ZHX2: variants seen among roughly 807,000 people sequenced by gnomAD.
The protein encoded by ZHX2 is zinc fingers and homeoboxes protein 2.
A neutral mutation model predicts 21.9 loss-of-function variants in ZHX2; 6 were observed. The ratio of observed to expected loss-of-function variants is 0.27; its 90% CI spans 0.15 to 0.54. ZHX2 has a LOEUF of 0.54. Ranked by LOEUF, ZHX2 falls within the 20% of genes least tolerant of loss-of-function variation. The pLI is 0.95. For synonymous variants in ZHX2, 434 were observed against 437.1 expected, an observed-to-expected ratio of 0.99 and a Z score of 0.09; for missense variants, 908 against 1,090.7, an observed-to-expected ratio of 0.83 and a Z score of 2.36.
intron 3 of ZHX2, among the ~76,000 whole-genome samples, chr8:122,967,336 G>A (rs1032287443): frequency 4.6e-5 from 7 of 152,152 alleles, no homozygotes; most frequent in African/African-American, 1.7e-4. Flanking sequence ...TGTCCCATGG[G>A]GTGATCCCTT....
At chr8:122,826,195 A>G (rs1818262444) in intron 1 of ZHX2, among the ~76,000 whole-genome samples, 1 of 152,222 alleles carries the variant, frequency 6.6e-6, no homozygotes. Context: ...GGACACTCCA[A>G]CAACATATTA....
intron 2 of ZHX2, among the ~76,000 whole-genome samples, chr8:122,926,313 G>A (rs889602205): frequency 2.0e-5 from 3 of 152,184 alleles, no homozygotes; most frequent in Non-Finnish European, 4.4e-5. Context: ...ATGTCTTCCC[G>A]TGTAAAGGCA....
intron 2 of ZHX2, among the ~76,000 whole-genome samples, chr8:122,883,122 T>A (rs1819755871): frequency 6.6e-6 from 1 of 152,150 alleles, no homozygotes; most frequent in Admixed American, 6.5e-5. Flanking sequence ...CTTCCCTTCC[T>A]CCCCACCCTC....
At chr8:122,780,998 G>C (rs1817267025), upstream of ZHX2, 1 of 152,204 alleles carries the variant, frequency 6.6e-6, no homozygotes, top group African/African-American at 2.4e-5. Flanking sequence ...TTATATAAGT[G>C]GGGGGCTCCT....
chr8:122,951,371 T>C lies in ZHX2; in HGVS notation c.-140T>C, dbSNP rs556739558. ...GAAATCATTCTGAAAACTCAAACAG[T>C]AGACTTCAGCACACAAGGAAAGCCA... On this transcript the variant is annotated 5_prime_UTR_variant, in exon 3 of 4. Transcript: ENST00000314393. 23 of 717,772 alleles carry C rather than the reference T, an allele frequency of 3.2e-5. No homozygotes were observed. In the East Asian group the frequency reaches 5.7e-4, roughly 18 times the overall value. The allele number at this position is 717,772 out of a possible 1,614,324, so 44.5% of individuals were successfully genotyped here. A position where few individuals can be genotyped will look rare whatever the true frequency, so the allele number is the denominator to read the frequency against.
chr8:122,787,831 A>G (rs1271435204), intron 1 of ZHX2, among the ~76,000 whole-genome samples: 1 of 152,230 alleles, frequency 6.6e-6, no homozygotes, highest in East Asian at 1.9e-4. Flanking sequence ...GGGCTCAAAA[A>G]CATCTGCAGA....
chr8:122,806,580 A>G (rs1445530217), intron 1 of ZHX2, among the ~76,000 whole-genome samples: 8 of 152,226 alleles, frequency 5.3e-5, no homozygotes, highest in African/African-American at 1.2e-4. Context: ...AGAGAAGAGT[A>G]CAGGGTTAAG....
intron 1 of ZHX2, among the ~76,000 whole-genome samples, chr8:122,829,597 A>G: frequency 6.6e-6 from 1 of 152,372 alleles, no homozygotes; most frequent in Middle Eastern, 3.4e-3. Context: ...TTTCTATTTG[A>G]GCACTGTTAG....
intron 2 of ZHX2, among the ~76,000 whole-genome samples, chr8:122,912,863 A>T (rs1193443220): frequency 1.3e-5 from 2 of 150,990 alleles, no homozygotes; most frequent in Non-Finnish European, 2.9e-5. Context: ...TAAGAAAAAG[A>T]AAAACAGCTT....
chr8:122,902,950 G>A (rs1820265898), intron 2 of ZHX2, among the ~76,000 whole-genome samples: 1 of 152,122 alleles, frequency 6.6e-6, no homozygotes, highest in Admixed American at 6.6e-5. Flanking sequence ...CCTCCTGGGT[G>A]AGCACAGAAT....
chr8:122,863,780 T>C (rs1819224168), intron 2 of ZHX2, among the ~76,000 whole-genome samples: 1 of 152,100 alleles, frequency 6.6e-6, no homozygotes, highest in South Asian at 2.1e-4. Context: ...CTGTCCTCCC[T>C]CTGCTCTGAT....
intron 3 of ZHX2, among the ~76,000 whole-genome samples, chr8:122,961,568 G>A (rs1258342895): frequency 6.6e-6 from 1 of 152,178 alleles, no homozygotes; most frequent in Non-Finnish European, 1.5e-5. Flanking sequence ...GGCTGGGGAG[G>A]CCTCAGGAAA....
At chr8:122,920,925 G>A (rs532967096) in intron 2 of ZHX2, among the ~76,000 whole-genome samples, 48 of 152,262 alleles carry the variant, frequency 3.2e-4, no homozygotes, top group Non-Finnish European at 5.4e-4. Flanking sequence ...CTACGTTTGC[G>A]TCCTGCTTTG....
At chr8:122,904,510 A>C (rs1187581249) in intron 2 of ZHX2, among the ~76,000 whole-genome samples, 1 of 152,058 alleles carries the variant, frequency 6.6e-6, no homozygotes, top group African/African-American at 2.4e-5. Flanking sequence ...GAGCCGTAGC[A>C]AGACACTCCT....
chr8:122,883,768 C>T (rs1819770992), intron 2 of ZHX2, among the ~76,000 whole-genome samples: 1 of 152,200 alleles, frequency 6.6e-6, no homozygotes, highest in Admixed American at 6.5e-5. Flanking sequence ...AGAAGGGTTT[C>T]AGCTTGTGAG....
intron 1 of ZHX2, among the ~76,000 whole-genome samples, chr8:122,789,115 C>A (rs1817459564): frequency 6.6e-6 from 1 of 152,122 alleles, no homozygotes; most frequent in African/African-American, 2.4e-5. Flanking sequence ...AGTGGCCTCG[C>A]CAGCCAATGG....
At chr8:122,825,222 A>G (rs114776832) in intron 1 of ZHX2, among the ~76,000 whole-genome samples, 2,866 of 152,196 alleles carry the variant, frequency 0.019, 74 homozygotes, top group African/African-American at 0.066. Flanking sequence ...GCCTGTTGGT[A>G]TATCCTCTTG....
intron 2 of ZHX2, among the ~76,000 whole-genome samples, chr8:122,929,472 G>GTGT (rs1321848470): frequency 2.6e-5 from 4 of 152,042 alleles, no homozygotes; most frequent in African/African-American, 9.7e-5. Flanking sequence ...GTAAAACCCT[G>GTGT]TGTCTACTAA....
intron 2 of ZHX2, among the ~76,000 whole-genome samples, chr8:122,924,857 C>T (rs1403175624): frequency 6.6e-6 from 1 of 152,154 alleles, no homozygotes; most frequent in Non-Finnish European, 1.5e-5. Flanking sequence ...GTATCTGAGT[C>T]GCGGTCTCAG....
Sources: allele counts gnomAD v4.1 joint callset (sites outside exome capture counted in the v4.1 genomes callset), GRCh38; gene constraint gnomAD v4.1.1; transcripts MANE v1.5; gene names NCBI Gene and HGNC (gene_info 2026-07-23, HGNC 2026-07-21).